The following PRICKLE1 variants were observed in gnomAD, a reference collection of about 807,000 sequenced individuals.
PRICKLE1 encodes the protein prickle-like protein 1.
A neutral mutation model predicts 70.2 loss-of-function variants in PRICKLE1; 14 were observed. The observed-to-expected ratio is 0.20, with a 90% confidence interval of 0.13 to 0.31. The LOEUF is 0.31. PRICKLE1 is among the 10% of genes least tolerant of loss of function. The pLI, the probability that PRICKLE1 is intolerant of heterozygous loss-of-function variation, is 1.00. For synonymous variants in PRICKLE1, 357 were observed against 379.9 expected (o/e 0.94, Z 0.70); for missense variants, 821 against 1,026.2 (o/e 0.80, Z 2.73).
intron 1 of PRICKLE1, among the ~76,000 whole-genome samples, chr12:42,505,821 C>A (rs2600907): frequency 0.17 from 26,317 of 152,082 alleles, 3,021 homozygotes; most frequent in African/African-American, 0.31. Flanking sequence ...GCCTCTTAAA[C>A]TACACAGAAG....
intron 1 of PRICKLE1, among the ~76,000 whole-genome samples, chr12:42,499,443 T>TC (rs1363156399): frequency 2.6e-5 from 4 of 151,874 alleles, no homozygotes; most frequent in African/African-American, 7.3e-5. Context: ...TTTTTTTTTT[T>TC]AGAGTCTTGC....
At chr12:42,527,917 ATATATATATATATATAT>A (rs1939834365) in intron 1 of PRICKLE1, among the ~76,000 whole-genome samples, 5 of 117,644 alleles carry the variant, frequency 4.3e-5, no homozygotes, top group South Asian at 2.7e-4. Flanking sequence ...ACTCTTTATA[ATATATATATATATATAT>A]ATATATATAT....
chr12:42,501,901 A>T (rs1939317937), intron 1 of PRICKLE1, among the ~76,000 whole-genome samples: 1 of 152,228 alleles, frequency 6.6e-6, no homozygotes. Context: ...CTAGTGCATT[A>T]TCTGTACTGC....
intron 1 of PRICKLE1, among the ~76,000 whole-genome samples, chr12:42,558,438 T>C (rs959751285): frequency 6.6e-6 from 1 of 152,226 alleles, no homozygotes; most frequent in Non-Finnish European, 1.5e-5. Flanking sequence ...TCCTAAGATT[T>C]ACTACCATTT....
chr12:42,581,833 C>T lies in PRICKLE1; in HGVS notation c.-49+7632G>A, dbSNP rs570776040. On this transcript the variant is annotated intron_variant, in intron 1 of 7. Coordinates refer to ENST00000345127, the MANE Select transcript of PRICKLE1 (RefSeq NM_153026.3). ...CAGTAACAAAAAAAGACCCATGATA[C>T]ACTATCATAACCTGGTTGCTTCCTG... 5.9e-5 allele frequency among the ~76,000 whole-genome samples: 9 copies of T among 152,078 alleles called. No individual in the cohort carries two copies. In the South Asian group the frequency reaches 1.9e-3, roughly 32 times the overall value.
chr12:42,579,920 G>A (rs1449271965), intron 1 of PRICKLE1, among the ~76,000 whole-genome samples: 2 of 151,788 alleles, frequency 1.3e-5, no homozygotes, highest in East Asian at 3.9e-4. Flanking sequence ...CACCCAGGCT[G>A]GAGTGCAATG....
intron 1 of PRICKLE1, among the ~76,000 whole-genome samples, chr12:42,472,944 C>G (rs1938383425): frequency 6.6e-6 from 1 of 152,156 alleles, no homozygotes; most frequent in Admixed American, 6.5e-5. Context: ...GTGTCGGGGT[C>G]AGGCTACCTG....
chr12:42,481,225 A>G (rs1242316775), intron 1 of PRICKLE1, among the ~76,000 whole-genome samples: 1 of 152,200 alleles, frequency 6.6e-6, no homozygotes, highest in Non-Finnish European at 1.5e-5. Context: ...TATGATTCCT[A>G]TTATTCATAA....
intron 1 of PRICKLE1, among the ~76,000 whole-genome samples, chr12:42,534,608 G>A (rs1939986498): frequency 6.6e-6 from 1 of 152,146 alleles, no homozygotes; most frequent in Non-Finnish European, 1.5e-5. Context: ...TTAAGCAAGA[G>A]GTTAATAATT....
intron 1 of PRICKLE1, among the ~76,000 whole-genome samples, chr12:42,487,925 A>T (rs1939019543): frequency 6.6e-6 from 1 of 152,202 alleles, no homozygotes; most frequent in South Asian, 2.1e-4. Flanking sequence ...GGGCGCCTGT[A>T]GTCCCAGCTA....
rs1937693986 is a variant in PRICKLE1 at position 42,459,176 on chromosome 12, TATAC to T, written c.*629_*632del. 1 of 664,598 alleles carries T rather than the reference TATAC, an allele frequency of 1.5e-6. No homozygotes were observed. Among genetic ancestry groups the T allele is most frequent in the African/African-American group, 1.8e-5 (1 of 55,624 alleles). 41.2% of individuals were successfully genotyped at this position (664,598 alleles called of 1,614,324 possible). A position where few individuals can be genotyped will look rare whatever the true frequency, so the allele number is the denominator to read the frequency against. ...GCTTTAAAATCTGAACTGTACAGTA[TATAC>T]ATTAATATTTGCACCGTTAAATTAG... On this transcript the variant is annotated 3_prime_UTR_variant, in exon 8 of 8. Coordinates refer to ENST00000345127, the MANE Select transcript of PRICKLE1 (RefSeq NM_153026.3).
intron 1 of PRICKLE1, among the ~76,000 whole-genome samples, chr12:42,473,776 GA>G (rs1938413782): frequency 6.6e-6 from 1 of 151,056 alleles, no homozygotes; most frequent in Non-Finnish European, 1.5e-5. Flanking sequence ...TGACATGTCA[GA>G]CTTCCAAAAA....
intron 1 of PRICKLE1, among the ~76,000 whole-genome samples, chr12:42,549,993 T>C (rs1592020677): frequency 1.3e-5 from 2 of 152,370 alleles, no homozygotes; most frequent in Middle Eastern, 3.4e-3. Context: ...TCAAGTAGCA[T>C]CTCTGCTCTG....
intron 1 of PRICKLE1, among the ~76,000 whole-genome samples, chr12:42,574,442 C>G (rs1455056843): frequency 6.6e-6 from 1 of 152,146 alleles, no homozygotes; most frequent in South Asian, 2.1e-4. Flanking sequence ...ATCAACAAAG[C>G]AAATTGTGTC....
At chr12:42,521,389 G>A (rs17121220) in intron 1 of PRICKLE1, among the ~76,000 whole-genome samples, 7,471 of 152,078 alleles carry the variant, frequency 0.049, 191 homozygotes, top group South Asian at 0.084. Context: ...AAATGGTTAC[G>A]AATACAATAC....
chr12:42,533,370 A>T (rs1939958120), intron 1 of PRICKLE1, among the ~76,000 whole-genome samples: 1 of 152,208 alleles, frequency 6.6e-6, no homozygotes, highest in Non-Finnish European at 1.5e-5. Context: ...CTGAAAAATT[A>T]CTGTACTTGT....
intron 1 of PRICKLE1, among the ~76,000 whole-genome samples, chr12:42,567,870 A>G (rs1384061995): frequency 6.6e-6 from 1 of 151,990 alleles, no homozygotes; most frequent in African/African-American, 2.4e-5. Flanking sequence ...ATTCCTCTCT[A>G]AACACATGTA....
chr12:42,568,629 T>A (rs769758047), intron 1 of PRICKLE1, among the ~76,000 whole-genome samples: 1 of 152,242 alleles, frequency 6.6e-6, no homozygotes, highest in African/African-American at 2.4e-5. Context: ...AGCAAGGCAA[T>A]TTTATTCTAT....
At chr12:42,537,972 G>C (rs978199130) in intron 1 of PRICKLE1, among the ~76,000 whole-genome samples, 3 of 152,168 alleles carry the variant, frequency 2.0e-5, no homozygotes, top group African/African-American at 7.2e-5. Flanking sequence ...ACTTTCCCAA[G>C]GTCATCCAAA....
Sources: allele counts gnomAD v4.1 joint callset (sites outside exome capture counted in the v4.1 genomes callset), GRCh38; gene constraint gnomAD v4.1.1; transcripts MANE v1.5; gene names NCBI Gene and HGNC (gene_info 2026-07-23, HGNC 2026-07-21).